Variants in LIN7A observed in about 807,000 individuals in gnomAD.
The protein encoded by LIN7A is protein lin-7 homolog A.
LIN7A carries 25 observed loss-of-function variants against 29.8 expected under a neutral mutation model. The observed-to-expected ratio is 0.84, with a 90% CI of 0.61 to 1.17. The LOEUF (loss-of-function observed/expected upper bound fraction) is 1.17, where lower values mean the gene tolerates loss of function less well. Ranked by LOEUF, LIN7A falls within the 50% of genes most tolerant of loss-of-function variation. The probability of loss-of-function intolerance (pLI) is 0.00; values close to 1 mark genes in which losing one functional copy is unlikely to be tolerated. For missense variants in LIN7A, 239 were observed against 287.0 expected (o/e 0.83, Z 1.21); for synonymous variants, 118 against 107.5 (o/e 1.10, Z -0.60).
At chr12:80,863,311 A>G (rs1473925811) in intron 2 of LIN7A, among the ~76,000 whole-genome samples, 1 of 152,250 alleles carries the variant, frequency 6.6e-6, no homozygotes, top group East Asian at 1.9e-4. Context: ...TAATTGATAT[A>G]GAGGCAGTAA....
At chr12:80,922,898 T>C (rs1877387215) in intron 1 of LIN7A, among the ~76,000 whole-genome samples, 1 of 152,102 alleles carries the variant, frequency 6.6e-6, no homozygotes, top group Admixed American at 6.6e-5. Flanking sequence ...AAAAACAGTA[T>C]ACAGAGGGTT....
intron 5 of LIN7A, among the ~76,000 whole-genome samples, chr12:80,808,667 G>T (rs539475652): frequency 1.3e-5 from 2 of 151,072 alleles, no homozygotes; most frequent in Non-Finnish European, 1.5e-5. Flanking sequence ...CACCACGCCC[G>T]GCTAATTTTT....
chr12:80,838,894 A>G (rs948086141), intron 4 of LIN7A, among the ~76,000 whole-genome samples: 3 of 152,190 alleles, frequency 2.0e-5, no homozygotes, highest in Admixed American at 6.5e-5. Context: ...AGGGCTGTTC[A>G]GTTAGCCGGG....
At chr12:80,828,860 T>C (rs1872208848) in intron 4 of LIN7A, among the ~76,000 whole-genome samples, 1 of 152,096 alleles carries the variant, frequency 6.6e-6, no homozygotes, top group South Asian at 2.1e-4. Context: ...TTCAGATGCA[T>C]GCTCACTACA....
intron 2 of LIN7A, among the ~76,000 whole-genome samples, chr12:80,862,571 C>T (rs188271380): frequency 1.8e-3 from 279 of 152,192 alleles, no homozygotes; most frequent in South Asian, 8.5e-3. Flanking sequence ...AGGCCAACAG[C>T]GCTATAATGC....
chr12:80,848,901 T>C (rs1424770251), intron 2 of LIN7A, among the ~76,000 whole-genome samples: 1 of 152,172 alleles, frequency 6.6e-6, no homozygotes, highest in Non-Finnish European at 1.5e-5. Context: ...TTATTTTACA[T>C]GCTTAACTCA....
chr12:80,870,210 C>T (rs1874358701), intron 2 of LIN7A, among the ~76,000 whole-genome samples: 1 of 152,090 alleles, frequency 6.6e-6, no homozygotes. Flanking sequence ...ACAATTAGTG[C>T]ATCCATGCAT....
chr12:80,846,742 T>A (rs910827159), intron 3 of LIN7A, among the ~76,000 whole-genome samples: 4 of 152,192 alleles, frequency 2.6e-5, no homozygotes, highest in Non-Finnish European at 5.9e-5. Flanking sequence ...ACATAATTTG[T>A]TTTAAAATTC....
At chr12:80,888,017 G>T (rs144612936) in intron 2 of LIN7A, among the ~76,000 whole-genome samples, 153 of 152,208 alleles carry the variant, frequency 1.0e-3, no homozygotes, top group African/African-American at 3.4e-3. Flanking sequence ...GGACGCTCAT[G>T]CAGTTTTGAG....
At chr12:80,907,073 G>GTGTT (rs1276105481) in intron 1 of LIN7A, among the ~76,000 whole-genome samples, 1 of 151,198 alleles carries the variant, frequency 6.6e-6, no homozygotes, top group Non-Finnish European at 1.5e-5. Context: ...GTGTGTGTGT[G>GTGTT]TGTGTGTGTG....
intron 2 of LIN7A, among the ~76,000 whole-genome samples, chr12:80,853,109 A>T (rs1363255263): frequency 1.3e-5 from 2 of 152,194 alleles, no homozygotes; most frequent in African/African-American, 4.8e-5. Context: ...GAAGAAAAGC[A>T]TTCTTGTTTA....
At chr12:80,837,639 A>C (rs1275943413) in intron 4 of LIN7A, among the ~76,000 whole-genome samples, 4 of 151,996 alleles carry the variant, frequency 2.6e-5, no homozygotes, top group African/African-American at 7.2e-5. Flanking sequence ...GAGATAATAC[A>C]TTTCTGTTGT....
chr12:80,876,848 G>A (rs1435020625), intron 2 of LIN7A, among the ~76,000 whole-genome samples: 3 of 152,076 alleles, frequency 2.0e-5, no homozygotes, highest in Non-Finnish European at 2.9e-5. Context: ...TTGGCCGGGC[G>A]CGGTGGCTCA....
chr12:80,811,804 A>G, intron 4 of LIN7A, 121 bp from the exon 5 acceptor site: 1 of 1,120,566 alleles, frequency 8.9e-7, no homozygotes, highest in South Asian at 1.6e-5. Context: ...AACATGGCAA[A>G]TGAGTTATCT....
chr12:80,813,738 C>A (rs550618251), intron 4 of LIN7A, among the ~76,000 whole-genome samples: 2 of 152,174 alleles, frequency 1.3e-5, no homozygotes, highest in African/African-American at 2.4e-5. Flanking sequence ...TGTAATTAGA[C>A]TTTATAGGAC....
chr12:80,864,534 G>A (rs1190182886), intron 2 of LIN7A, among the ~76,000 whole-genome samples: 1 of 152,102 alleles, frequency 6.6e-6, no homozygotes, highest in Admixed American at 6.6e-5. Flanking sequence ...AGGAACATCT[G>A]CATCATTATC....
chr12:80,818,773 TAG>T (rs1871656972), intron 4 of LIN7A, among the ~76,000 whole-genome samples: 1 of 152,208 alleles, frequency 6.6e-6, no homozygotes, highest in Admixed American at 6.5e-5. Context: ...CTCTGACATG[TAG>T]ATTTGTGTTT....
intron 4 of LIN7A, among the ~76,000 whole-genome samples, chr12:80,812,615 G>C (rs539518195): frequency 3.3e-5 from 5 of 152,020 alleles, no homozygotes; most frequent in African/African-American, 9.7e-5. Flanking sequence ...GCAGTGGCCT[G>C]ATCTGGGCTC....
chr12:80,842,148 T>G, intron 4 of LIN7A: 1 of 1,282,106 alleles, frequency 7.8e-7, no homozygotes, highest in Non-Finnish European at 1.0e-6. Flanking sequence ...AAAAATCAAT[T>G]GTTCAATTGC....
Sources: allele counts gnomAD v4.1 joint callset (sites outside exome capture counted in the v4.1 genomes callset), GRCh38; gene constraint gnomAD v4.1.1; transcripts MANE v1.5; gene names NCBI Gene and HGNC (gene_info 2026-07-23, HGNC 2026-07-21).